The following NRXN3 variants were observed in gnomAD, a reference collection of about 807,000 sequenced individuals.
NRXN3 encodes the protein neurexin III.
NRXN3 carries 32 observed loss-of-function variants against 137.6 expected under a neutral mutation model. That is an observed-to-expected ratio of 0.23 (90% CI 0.18 to 0.31). The LOEUF is 0.31. Ranked by LOEUF, NRXN3 falls within the 10% of genes least tolerant of loss-of-function variation. The pLI, the probability that NRXN3 is intolerant of heterozygous loss-of-function variation, is 1.00. For synonymous variants in NRXN3, 798 were observed against 784.5 expected (o/e 1.02, Z -0.29); for missense variants, 1,574 against 2,062.5 (o/e 0.76, Z 4.59).
chr14:78,709,348 T>A lies in NRXN3; in HGVS notation c.1353T>A (p.Phe451Leu). The A allele has an allele frequency of 1.9e-6, 3 of 1,614,114 alleles. No homozygotes were observed. Among genetic ancestry groups the A allele is most frequent in the Non-Finnish European group, 2.5e-6 (3 of 1,179,994 alleles). ...ENVATLDPIN[F>L]ETPEAYISLP... is the part of the protein sequence containing the mutation. The stretch of plus-strand genomic sequence containing the variant: ...TGGCCACACTGGACCCCATCAACTT[T>A]GAGACCCCAGAGGCTTACATCAGCT... Residue 451 changes from phenylalanine to leucine, a missense_variant, in exon 7 of 21, where the codon TTT becomes TTA. By Grantham distance (22) the Phe-to-Leu change is conservative. Transcript: ENST00000335750.
At chr14:79,055,337 T>C (rs2099656829) in intron 15 of NRXN3, among the ~76,000 whole-genome samples, 1 of 152,182 alleles carries the variant, frequency 6.6e-6, no homozygotes, top group Admixed American at 6.5e-5. Flanking sequence ...TCTTATTTAG[T>C]CTGCACAGCA....
chr14:78,675,791 G>A (rs2097997922), intron 6 of NRXN3, among the ~76,000 whole-genome samples: 1 of 152,050 alleles, frequency 6.6e-6, no homozygotes, highest in African/African-American at 2.4e-5. Context: ...GCACTTTTGA[G>A]TTATTGAATT....
chr14:79,405,822 T>C (rs2095299752), intron 15 of NRXN3, among the ~76,000 whole-genome samples: 1 of 152,096 alleles, frequency 6.6e-6, no homozygotes, highest in African/African-American at 2.4e-5. Flanking sequence ...TGATTCTTAT[T>C]AGAAACTCCC....
At chr14:79,810,231 G>A (rs77026862) in intron 20 of NRXN3, among the ~76,000 whole-genome samples, 1 of 152,138 alleles carries the variant, frequency 6.6e-6, no homozygotes, top group Non-Finnish European at 1.5e-5. Flanking sequence ...TACCTAATAA[G>A]TGGGCATGGC....
chr14:79,525,985 G>A (rs866104911), intron 16 of NRXN3, among the ~76,000 whole-genome samples: 1 of 152,092 alleles, frequency 6.6e-6, no homozygotes, highest in Non-Finnish European at 1.5e-5. Flanking sequence ...GGGCTCAAGG[G>A]ATCCTCTCAA....
chr14:79,295,400 A>C (rs1235075724), intron 15 of NRXN3, among the ~76,000 whole-genome samples: 1 of 152,134 alleles, frequency 6.6e-6, no homozygotes, highest in Non-Finnish European at 1.5e-5. Context: ...AAAAATTTAA[A>C]AAAATAAAAA....
At chr14:79,832,512 A>G (rs1472838093) in intron 20 of NRXN3, among the ~76,000 whole-genome samples, 1 of 152,146 alleles carries the variant, frequency 6.6e-6, no homozygotes, top group East Asian at 1.9e-4. Context: ...CCCAGGGGAC[A>G]TATTGTCAAT....
intron 15 of NRXN3, among the ~76,000 whole-genome samples, chr14:79,327,104 A>G (rs1438979426): frequency 6.6e-6 from 1 of 151,976 alleles, no homozygotes; most frequent in East Asian, 1.9e-4. Flanking sequence ...TTTCTTTCAC[A>G]CCATGTGCCC....
intron 16 of NRXN3, among the ~76,000 whole-genome samples, chr14:79,485,323 G>C (rs75606611): frequency 2.0e-5 from 3 of 152,124 alleles, no homozygotes; most frequent in Non-Finnish European, 4.4e-5. Flanking sequence ...CCTTAAGAGA[G>C]TAAAGAATTT....
intron 16 of NRXN3, among the ~76,000 whole-genome samples, chr14:79,485,682 TTACTGTG>T (rs141676378): frequency 0.089 from 13,589 of 152,204 alleles, 642 homozygotes; most frequent in Middle Eastern, 0.13. Context: ...ATTCCAGGTA[TTACTGTG>T]AGTATCAGAT....
intron 4 of NRXN3, among the ~76,000 whole-genome samples, chr14:78,466,562 G>C (rs2153724191): frequency 6.6e-6 from 1 of 152,316 alleles, no homozygotes; most frequent in South Asian, 2.1e-4. Flanking sequence ...GGCTTGTGGA[G>C]AACCTTGGAT....
chr14:78,888,627 T>C (rs1164961006), intron 10 of NRXN3, among the ~76,000 whole-genome samples: 2 of 152,038 alleles, frequency 1.3e-5, no homozygotes, highest in African/African-American at 4.8e-5. Context: ...CGTCAGTTTT[T>C]CTTCATATTT....
At chr14:78,745,192 A>G (rs2098601488) in intron 8 of NRXN3, 1 of 152,242 alleles carries the variant, frequency 6.6e-6, no homozygotes, top group Non-Finnish European at 1.5e-5. Flanking sequence ...ATCAGAAAAT[A>G]GGAGTTTAAG....
At chr14:79,227,575 G>A (rs541420994) in intron 15 of NRXN3, among the ~76,000 whole-genome samples, 5 of 152,196 alleles carry the variant, frequency 3.3e-5, no homozygotes, top group African/African-American at 1.2e-4. Flanking sequence ...TTGTCAAGGG[G>A]TTTCATTTTA....
chr14:79,500,751 G>T lies in NRXN3; in HGVS notation c.3444+33349G>T, dbSNP rs148351766. 4.5e-3 allele frequency among the ~76,000 whole-genome samples: 682 copies of T among 152,284 alleles called. 5 individuals are homozygous for T. Among genetic ancestry groups the T allele is most frequent in the Middle Eastern group, 0.031 (9 of 294 alleles). On this transcript the variant is annotated intron_variant, in intron 16 of 20. Transcript: ENST00000335750. ...CTGTGGGTTGCAGTGAGGTCAATCA[G>T]ATGCAGTCAAATGGCAGAGAAGATA...
chr14:78,974,697 A>G (rs892344099), intron 14 of NRXN3, among the ~76,000 whole-genome samples: 1 of 150,334 alleles, frequency 6.7e-6, no homozygotes, highest in African/African-American at 2.4e-5. Context: ...TTTTTCGATT[A>G]TTTGGGGCCG....
chr14:78,474,507 A>ATCATGCAGTGGTAGCT (rs6145400), intron 4 of NRXN3, among the ~76,000 whole-genome samples: 151,597 of 152,254 alleles, frequency 1, 75,474 homozygotes, highest in Middle Eastern at 1. Flanking sequence ...GGCTCAACTT[A>ATCATGCAGTGGTAGCT]TCAAGTTATG....
chr14:78,884,575 C>A (rs776345750), intron 10 of NRXN3, among the ~76,000 whole-genome samples: 1 of 152,136 alleles, frequency 6.6e-6, no homozygotes, highest in Admixed American at 6.5e-5. Context: ...GGATCTGTGG[C>A]ACTTTATTTT....
At chr14:78,235,054 GTGTC>G (rs2066089946) in intron 1 of NRXN3, among the ~76,000 whole-genome samples, 1 of 87,770 alleles carries the variant, frequency 1.1e-5, no homozygotes, top group Non-Finnish European at 2.7e-5. Context: ...GTGTGTGTGT[GTGTC>G]TTTTTGTCAA....
Sources: gnomAD v4.1 joint callset for allele counts (sites outside exome capture counted in the v4.1 genomes callset) on GRCh38, gnomAD v4.1.1 for gene constraint, MANE v1.5 for transcripts, NCBI Gene and HGNC (gene_info 2026-07-23, HGNC 2026-07-21) for gene names.